Variants in SLC35F4 observed in about 807,000 individuals in gnomAD.
The protein encoded by SLC35F4 is solute carrier family 35 member F4.
In SLC35F4, 24 loss-of-function variants were observed where a neutral mutation model predicts 44.2. That is an observed-to-expected ratio of 0.54 (90% CI 0.39 to 0.76). SLC35F4 has a LOEUF of 0.76. SLC35F4 is among the 30% of genes least tolerant of loss of function. SLC35F4 has a pLI of 0.00. For missense variants in SLC35F4, 562 were observed against 586.1 expected, an observed-to-expected ratio of 0.96 and a Z score of 0.42; for synonymous variants, 238 against 223.6, an observed-to-expected ratio of 1.06 and a Z score of -0.57.
At chr14:57,684,538 TAA>T (rs945688577) in intron 1 of SLC35F4, among the ~76,000 whole-genome samples, 1 of 152,138 alleles carries the variant, frequency 6.6e-6, no homozygotes, top group African/African-American at 2.4e-5. Context: ...GCTCAGGTGG[TAA>T]TGCTCACTTG....
chr14:57,783,812 T>C (rs1431184161), intron 1 of SLC35F4, among the ~76,000 whole-genome samples: 3 of 152,184 alleles, frequency 2.0e-5, no homozygotes, highest in South Asian at 2.1e-4. Context: ...ATTCAGCCTT[T>C]AGATCAGTGG....
intron 1 of SLC35F4, among the ~76,000 whole-genome samples, chr14:57,727,017 C>G (rs1249272089): frequency 1.3e-5 from 2 of 152,056 alleles, no homozygotes; most frequent in Non-Finnish European, 2.9e-5. Context: ...ACTCCAAGTT[C>G]TTCAGTTTGG....
chr14:57,592,090 G>C (rs2070224900), intron 2 of SLC35F4, among the ~76,000 whole-genome samples: 1 of 152,156 alleles, frequency 6.6e-6, no homozygotes. Flanking sequence ...CTTTTAACAT[G>C]ATTTTCTATA....
At chr14:57,945,447 G>A (rs1890008878) in intron 1 of SLC35F4, among the ~76,000 whole-genome samples, 2 of 84,704 alleles carry the variant, frequency 2.4e-5, no homozygotes, top group East Asian at 1.8e-3. Context: ...TAATGTGTGT[G>A]TGTGTGTGTG....
intron 1 of SLC35F4, among the ~76,000 whole-genome samples, chr14:57,968,452 G>A (rs1395134425): frequency 6.6e-6 from 1 of 152,144 alleles, no homozygotes; most frequent in African/African-American, 2.4e-5. Flanking sequence ...TTTGGACATT[G>A]ACCTACTGAT....
At chr14:57,628,798 T>C (rs944346669) in intron 1 of SLC35F4, among the ~76,000 whole-genome samples, 3 of 152,106 alleles carry the variant, frequency 2.0e-5, no homozygotes, top group East Asian at 1.9e-4. Context: ...ATAAGTCAAA[T>C]CAAAGCAACT....
intron 1 of SLC35F4, among the ~76,000 whole-genome samples, chr14:57,803,006 A>AAAAAAG (rs74994950): frequency 5.1e-5 from 7 of 136,248 alleles, no homozygotes; most frequent in African/African-American, 1.9e-4. Context: ...AAAAAAAAAA[A>AAAAAAG]GAAATTGCAG....
intron 1 of SLC35F4, among the ~76,000 whole-genome samples, chr14:57,930,983 A>G (rs142702599): frequency 1.3e-5 from 2 of 152,384 alleles, no homozygotes; most frequent in East Asian, 3.9e-4. Context: ...AGAAGTCAAG[A>G]AAATATTTGT....
chr14:57,735,998 AG>A (rs2140490192), intron 1 of SLC35F4, among the ~76,000 whole-genome samples: 1 of 152,288 alleles, frequency 6.6e-6, no homozygotes, highest in African/African-American at 2.4e-5. Context: ...TACAGGCACA[AG>A]TCACTGTTCC....
chr14:57,776,449 G>A (rs753343800), intron 1 of SLC35F4, among the ~76,000 whole-genome samples: 43 of 152,092 alleles, frequency 2.8e-4, no homozygotes, highest in South Asian at 1.0e-3. Flanking sequence ...GGCGGATCAC[G>A]AGGTCAGGAG....
At chr14:57,889,463 G>A (rs2141037944) in intron 1 of SLC35F4, among the ~76,000 whole-genome samples, 1 of 152,360 alleles carries the variant, frequency 6.6e-6, no homozygotes, top group Non-Finnish European at 1.5e-5. Context: ...TCACTACTGA[G>A]TAATTCATGT....
chr14:57,772,102 A>G (rs2077378963), intron 1 of SLC35F4, among the ~76,000 whole-genome samples: 1 of 152,232 alleles, frequency 6.6e-6, no homozygotes, highest in South Asian at 2.1e-4. Context: ...CATCAAAAAA[A>G]TGCACTTGAG....
At chr14:57,600,734 T>G (rs1158191327) in intron 1 of SLC35F4, among the ~76,000 whole-genome samples, 1 of 120,198 alleles carries the variant, frequency 8.3e-6, no homozygotes, top group South Asian at 2.7e-4. Flanking sequence ...AAAGATAAAA[T>G]ATCAATAACT....
At position 57,835,936 on chromosome 14, in the gene SLC35F4, G is replaced by C. The variant is rs537559061; in HGVS notation, c.103+29787C>G. ...TTGGGCTGAGAGTTAAAGAATGCAGGAATTTTCTAAACAACACATTTGGGA... is the reference window on the plus strand; with the variant it reads ...TTGGGCTGAGAGTTAAAGAATGCAGCAATTTTCTAAACAACACATTTGGGA... On this transcript the variant is annotated intron_variant, in intron 1 of 7. Coordinates refer to ENST00000556826, the MANE Select transcript of SLC35F4 (RefSeq NM_001306087.2). Among the ~76,000 whole-genome samples the C allele has an allele frequency of 3.8e-4, 58 of 152,254 alleles. 1 individual carries two copies. The South Asian group carries it at 0.011, about 30-fold the overall frequency.
chr14:57,570,041 C>G, intron 5 of SLC35F4, 61 bp from the exon 6 acceptor site: 1 of 1,464,578 alleles, frequency 6.8e-7, no homozygotes, highest in Non-Finnish European at 9.1e-7. Flanking sequence ...AAACGTAAGT[C>G]TTACTGTTCC....
intron 1 of SLC35F4, among the ~76,000 whole-genome samples, chr14:57,694,181 A>G (rs750326645): frequency 1.3e-5 from 2 of 152,096 alleles, no homozygotes; most frequent in Non-Finnish European, 2.9e-5. Context: ...TCCTACCTCT[A>G]CCTCCAAGTA....
In SLC35F4 at chr14:57,613,454, G is replaced by C. The variant is rs187346812; in HGVS notation, c.104-19330C>G. Among the ~76,000 whole-genome samples, 6 of 152,216 alleles carry C rather than the reference G, an allele frequency of 3.9e-5. No individual in the cohort carries two copies. In the East Asian group the frequency reaches 9.7e-4, roughly 24 times the overall value. ...GTCCCCTGTCCTCCCCCAACAATGG[G>C]TCACTCAGTCAAAAACGTCAGTCAC... On this transcript the variant is annotated intron_variant, in intron 1 of 7. Transcript: ENST00000556826.
intron 1 of SLC35F4, among the ~76,000 whole-genome samples, chr14:57,887,202 C>T (rs1888668688): frequency 6.6e-6 from 1 of 152,092 alleles, no homozygotes; most frequent in East Asian, 1.9e-4. Context: ...GAGCAAAAAT[C>T]CGGGTAGTGC....
intron 1 of SLC35F4, among the ~76,000 whole-genome samples, chr14:57,914,829 C>G (rs1270389532): frequency 6.6e-6 from 1 of 152,144 alleles, no homozygotes; most frequent in African/African-American, 2.4e-5. Context: ...TCCAGCAGCT[C>G]TCATGGCTTG....
Sources: gnomAD v4.1 joint callset for allele counts (sites outside exome capture counted in the v4.1 genomes callset) on GRCh38, gnomAD v4.1.1 for gene constraint, MANE v1.5 for transcripts, NCBI Gene and HGNC (gene_info 2026-07-23, HGNC 2026-07-21) for gene names.